The following ZFAT variants were observed in gnomAD, a reference collection of about 807,000 sequenced individuals.
The protein encoded by ZFAT is zinc finger and AT-hook domain containing.
ZFAT carries 64 observed loss-of-function variants against 117.7 expected under a neutral mutation model. The ratio of observed to expected loss-of-function variants is 0.54; its 90% CI spans 0.44 to 0.67. The LOEUF (loss-of-function observed/expected upper bound fraction) is 0.67, where lower values mean the gene tolerates loss of function less well. Among genes scored for constraint, ZFAT ranks in the 30% least tolerant of loss-of-function variants. The pLI is 0.00. For synonymous variants in ZFAT, 679 were observed against 615.0 expected (o/e 1.10, Z -1.54); for missense variants, 1,433 against 1,584.5 (o/e 0.90, Z 1.62).
At chr8:134,588,098 A>T in intron 9 of ZFAT, 148 bp downstream of exon 9, 2 of 949,202 alleles carry the variant, frequency 2.1e-6, no homozygotes, top group Non-Finnish European at 3.0e-6. Context: ...TACTGTTTGT[A>T]GCTGGTTGAT....
chr8:134,708,930 C>T (rs1320653033), intron 1 of ZFAT, among the ~76,000 whole-genome samples: 3 of 152,036 alleles, frequency 2.0e-5, no homozygotes, highest in African/African-American at 7.3e-5. Flanking sequence ...CCAGACTGGG[C>T]AAAGAGCAAA....
At chr8:134,810,363 G>A in the ZFAT span, among the ~76,000 whole-genome samples, 59 of 152,236 alleles carry the variant, frequency 3.9e-4, 3 homozygotes, top group East Asian at 9.3e-3. Flanking sequence ...AATGTCCAAC[G>A]GATGCCAGGC....
chr8:134,694,427 T>C (rs1389101170), intron 1 of ZFAT, among the ~76,000 whole-genome samples: 1 of 152,178 alleles, frequency 6.6e-6, no homozygotes, highest in Non-Finnish European at 1.5e-5. Context: ...AGCAATGTAG[T>C]AAAATACTAA....
chr8:134,629,808 T>C (rs911632503), intron 3 of ZFAT, among the ~76,000 whole-genome samples: 1 of 152,336 alleles, frequency 6.6e-6, no homozygotes, highest in East Asian at 1.9e-4. Flanking sequence ...TTATCCAGTC[T>C]CAGGTAGTTC....
the ZFAT span, among the ~76,000 whole-genome samples, chr8:134,827,848 T>G: frequency 6.6e-6 from 1 of 152,110 alleles, no homozygotes; most frequent in South Asian, 2.1e-4. Flanking sequence ...ATGACTGCAT[T>G]TTATTGAAAA....
the ZFAT span, among the ~76,000 whole-genome samples, chr8:134,827,444 CATATTATTAGATA>C: frequency 6.6e-6 from 1 of 152,088 alleles, no homozygotes; most frequent in African/African-American, 2.4e-5. Context: ...CATACATATA[CATATTATTAGATA>C]ATATTTTATG....
intron 2 of ZFAT, among the ~76,000 whole-genome samples, chr8:134,650,753 T>C (rs1396458608): frequency 6.6e-6 from 1 of 152,238 alleles, no homozygotes; most frequent in Non-Finnish European, 1.5e-5. Context: ...ATTAAACTCA[T>C]ACATTTGTAC....
the ZFAT span, among the ~76,000 whole-genome samples, chr8:134,825,437 AT>A: frequency 6.6e-6 from 1 of 152,234 alleles, no homozygotes; most frequent in Non-Finnish European, 1.5e-5. Context: ...CTGCTTTATA[AT>A]TAACAGATTG....
At chr8:134,799,638 C>T in the ZFAT span, among the ~76,000 whole-genome samples, 1 of 152,156 alleles carries the variant, frequency 6.6e-6, no homozygotes, top group African/African-American at 2.4e-5. Context: ...AACTGAGGCA[C>T]AGAGAGATTA....
Position 134,512,600 on chromosome 8 carries a change from G to A in ZFAT, c.3236C>T (p.Thr1079Ile). Residue 1079 changes from threonine to isoleucine, a missense_variant and splice_region_variant, in exon 14 of 16, where the codon ACA (threonine) becomes ATA (isoleucine). Thr to Ile is a moderately conservative substitution (Grantham distance 89). This residue lies in a region of ZFAT where 503 missense variants were observed against 543.4 expected (regional missense o/e 0.93). Coordinates refer to ENST00000377838, the MANE Select transcript of ZFAT (RefSeq NM_020863.4). ...GGGCTCCTCAGGAGCTTCTGTTGCT[G>A]TCTAAATAAAAACATAGTACCTAAG... The part of the protein sequence containing the change: ...VEIDGDPKWE[T>I]ATEAPEEPST... The A allele has an allele frequency of 6.2e-7, 1 of 1,612,434 alleles. No individual in the cohort carries two copies. Among genetic ancestry groups the A allele is most frequent in the Non-Finnish European group, 8.5e-7 (1 of 1,179,490 alleles).
the ZFAT span, among the ~76,000 whole-genome samples, chr8:134,719,025 G>A: frequency 1.1e-4 from 17 of 152,180 alleles, no homozygotes; most frequent in African/African-American, 3.4e-4. Flanking sequence ...GCACACTGTC[G>A]CTTGTGAACA....
chr8:134,739,251 G>GT, the ZFAT span, among the ~76,000 whole-genome samples: 1 of 151,954 alleles, frequency 6.6e-6, no homozygotes, highest in African/African-American at 2.4e-5. Context: ...AAAGCAGCAA[G>GT]TATCTACAGA....
intron 5 of ZFAT, among the ~76,000 whole-genome samples, chr8:134,608,510 C>G (rs1490672781): frequency 6.6e-6 from 1 of 152,158 alleles, no homozygotes; most frequent in Non-Finnish European, 1.5e-5. Flanking sequence ...GTGCTCAGTT[C>G]TAAAAACATG....
chr8:134,781,781 C>T, the ZFAT span, among the ~76,000 whole-genome samples: 7 of 152,250 alleles, frequency 4.6e-5, no homozygotes, highest in South Asian at 4.2e-4. Flanking sequence ...GCCTACTCAA[C>T]GTGAACGTGA....
the ZFAT span, among the ~76,000 whole-genome samples, chr8:134,727,554 G>T: frequency 6.6e-6 from 1 of 152,070 alleles, no homozygotes; most frequent in Non-Finnish European, 1.5e-5. Flanking sequence ...AAAACATACT[G>T]CAAATTATAA....
At chr8:134,665,489 T>C (rs748606792) in intron 1 of ZFAT, among the ~76,000 whole-genome samples, 17 of 152,050 alleles carry the variant, frequency 1.1e-4, no homozygotes, top group African/African-American at 2.2e-4. Context: ...CTGGTGGGAG[T>C]CTCAAGGGCA....
intron 15 of ZFAT, among the ~76,000 whole-genome samples, chr8:134,501,799 A>C (rs1319058731): frequency 6.6e-6 from 1 of 152,244 alleles, no homozygotes; most frequent in Non-Finnish European, 1.5e-5. Flanking sequence ...CCTCTGTGGG[A>C]ACAAGAAAAG....
chr8:134,711,157 T>C (rs1450371383), intron 1 of ZFAT, among the ~76,000 whole-genome samples: 1 of 152,200 alleles, frequency 6.6e-6, no homozygotes, highest in Non-Finnish European at 1.5e-5. Context: ...AAAATAGAGA[T>C]GGGGTTTCAC....
At chr8:134,775,895 G>A in the ZFAT span, among the ~76,000 whole-genome samples, 1 of 152,270 alleles carries the variant, frequency 6.6e-6, no homozygotes, top group East Asian at 1.9e-4. Flanking sequence ...CATAAAAACT[G>A]TACATCAAAG....
Sources: gnomAD v4.1 joint callset for allele counts (sites outside exome capture counted in the v4.1 genomes callset) on GRCh38, gnomAD v4.1.1 for gene constraint, gnomAD v4.1.1 regional missense constraint, MANE v1.5 for transcripts, NCBI Gene and HGNC (gene_info 2026-07-23, HGNC 2026-07-21) for gene names.